AUH: variants seen among roughly 807,000 people sequenced by gnomAD.
The protein encoded by AUH is methylglutaconyl-CoA hydratase, mitochondrial.
AUH carries 29 observed loss-of-function variants against 42.3 expected under a neutral mutation model. That is an observed-to-expected ratio of 0.69 (90% confidence interval 0.51 to 0.93). The LOEUF is 0.93. Ranked by LOEUF, AUH falls within the 40% of genes least tolerant of loss-of-function variation. The probability of loss-of-function intolerance (pLI) is 0.00; values close to 1 mark genes in which losing one functional copy is unlikely to be tolerated. For missense variants in AUH, 452 were observed against 438.1 expected (o/e 1.03, Z -0.28); for synonymous variants, 174 against 166.4 (o/e 1.05, Z -0.35).
chr9:91,306,277 G>T, intron 4 of AUH: 1 of 801,438 alleles, frequency 1.2e-6, no homozygotes, highest in Non-Finnish European at 1.5e-6. Context: ...ATGACAGGCT[G>T]GCAGGGAAGT....
chr9:91,263,374 T>C (rs181768380), intron 6 of AUH, among the ~76,000 whole-genome samples: 1 of 152,326 alleles, frequency 6.6e-6, no homozygotes. Context: ...AAGTGTTAGG[T>C]TTAATAATGG....
chr9:91,296,233 ATAAG>A (rs1376629074), intron 5 of AUH, among the ~76,000 whole-genome samples, 156 bp from the exon 6 acceptor site: 1 of 142,422 alleles, frequency 7.0e-6, no homozygotes, highest in Non-Finnish European at 1.6e-5. Flanking sequence ...TGTTATGGAA[ATAAG>A]TAAGCACTCT....
chr9:91,262,677 G>A (rs532055923), intron 6 of AUH, among the ~76,000 whole-genome samples: 2 of 145,566 alleles, frequency 1.4e-5, no homozygotes, highest in Non-Finnish European at 3.0e-5. Flanking sequence ...CTAAAGATTA[G>A]AAAACGAAGT....
intron 6 of AUH, among the ~76,000 whole-genome samples, chr9:91,221,225 T>C (rs1367937302): frequency 2.0e-5 from 3 of 152,214 alleles, no homozygotes; most frequent in African/African-American, 7.2e-5. Flanking sequence ...ATTTTGGCAC[T>C]GAGTATCACC....
At chr9:91,252,598 C>T (rs1202453026) in intron 6 of AUH, among the ~76,000 whole-genome samples, 8 of 152,238 alleles carry the variant, frequency 5.3e-5, no homozygotes, top group Non-Finnish European at 8.8e-5. Context: ...GACTCCCAAC[C>T]CCACCCAGCT....
At chr9:91,215,945 A>G in intron 9 of AUH, 114 bp downstream of exon 9, 1 of 1,123,236 alleles carries the variant, frequency 8.9e-7, no homozygotes, top group Non-Finnish European at 1.3e-6. Context: ...CATTTGTATG[A>G]TTTTGGAATG....
intron 6 of AUH, among the ~76,000 whole-genome samples, chr9:91,247,625 T>C (rs1263997705): frequency 6.6e-6 from 1 of 152,224 alleles, no homozygotes; most frequent in East Asian, 1.9e-4. Flanking sequence ...TCTGAATTAG[T>C]GACCAATAAT....
chr9:91,328,288 C>T (rs2131880957), intron 3 of AUH, among the ~76,000 whole-genome samples: 1 of 152,242 alleles, frequency 6.6e-6, no homozygotes, highest in South Asian at 2.1e-4. Flanking sequence ...ATACTGACAT[C>T]TTAAAAAAAA....
At chr9:91,354,774 T>C (rs910697633) in intron 3 of AUH, among the ~76,000 whole-genome samples, 1 of 152,166 alleles carries the variant, frequency 6.6e-6, no homozygotes. Context: ...ACTCTGTATC[T>C]TCCCAATAAG....
chr9:91,227,665 T>G (rs1827592655), intron 6 of AUH, among the ~76,000 whole-genome samples: 1 of 145,154 alleles, frequency 6.9e-6, no homozygotes, highest in South Asian at 2.3e-4. Flanking sequence ...TTTTTGCCCA[T>G]TCAGTATGAT....
At chr9:91,312,560 T>C (rs936428571) in intron 4 of AUH, among the ~76,000 whole-genome samples, 2 of 152,280 alleles carry the variant, frequency 1.3e-5, no homozygotes, top group South Asian at 4.1e-4. Flanking sequence ...AAACCCTGTC[T>C]CTACCAAAAA....
chr9:91,227,093 G>T (rs963120626), intron 6 of AUH, among the ~76,000 whole-genome samples: 2 of 151,398 alleles, frequency 1.3e-5, no homozygotes, highest in African/African-American at 2.4e-5. Context: ...GTAAAGAAAG[G>T]CATTGGTAGC....
chr9:91,310,725 A>C (rs1220377661), intron 4 of AUH, among the ~76,000 whole-genome samples: 1 of 152,222 alleles, frequency 6.6e-6, no homozygotes, highest in Non-Finnish European at 1.5e-5. Context: ...TTACATGCTG[A>C]AATATAATGG....
intron 6 of AUH, among the ~76,000 whole-genome samples, chr9:91,270,538 C>T (rs1825032979): frequency 6.6e-6 from 1 of 152,120 alleles, no homozygotes; most frequent in African/African-American, 2.4e-5. Flanking sequence ...TATAAGTCTT[C>T]AGATGAATTT....
chr9:91,270,930 G>C (rs529925068), intron 6 of AUH, among the ~76,000 whole-genome samples: 1 of 152,128 alleles, frequency 6.6e-6, no homozygotes, highest in Non-Finnish European at 1.5e-5. Context: ...AAAAATAACT[G>C]TCCTAATATG....
intron 3 of AUH, among the ~76,000 whole-genome samples, chr9:91,329,370 A>G (rs1564106784): frequency 6.6e-6 from 1 of 151,724 alleles, no homozygotes; most frequent in Admixed American, 6.6e-5. Flanking sequence ...TCACATTCCT[A>G]CCAGCAATGC....
intron 6 of AUH, among the ~76,000 whole-genome samples, chr9:91,282,154 C>G (rs1409828581): frequency 6.6e-6 from 1 of 152,122 alleles, no homozygotes; most frequent in African/African-American, 2.4e-5. Flanking sequence ...TCCAAGCACA[C>G]TCCCATCTAA....
At chr9:91,344,058 G>A (rs1012762654) in intron 3 of AUH, among the ~76,000 whole-genome samples, 3 of 152,158 alleles carry the variant, frequency 2.0e-5, no homozygotes, top group East Asian at 1.9e-4. Context: ...CTCTCCTCCC[G>A]TTGGAATTCA....
chr9:91,227,838 T>C (rs1012422663), intron 6 of AUH, among the ~76,000 whole-genome samples: 3 of 152,170 alleles, frequency 2.0e-5, no homozygotes, highest in African/African-American at 4.8e-5. Context: ...TGGCTCTGTT[T>C]ATGTGCTGGA....
Sources: gnomAD v4.1 joint callset for allele counts (sites outside exome capture counted in the v4.1 genomes callset) on GRCh38, gnomAD v4.1.1 for gene constraint, MANE v1.5 for transcripts, NCBI Gene and HGNC (gene_info 2026-07-23, HGNC 2026-07-21) for gene names.